Variants in SLC9A6 observed in about 807,000 individuals in gnomAD.
SLC9A6 encodes solute carrier family 9 member A6.
A neutral mutation model predicts 45.3 loss-of-function variants in SLC9A6; 6 were observed. That is an observed-to-expected ratio of 0.13 (90% CI 0.07 to 0.26). The LOEUF is 0.26. Ranked by LOEUF, SLC9A6 falls within the 10% of genes least tolerant of loss-of-function variation. SLC9A6 has a pLI of 1.00. For synonymous variants in SLC9A6, 191 were observed against 187.7 expected (o/e 1.02, Z -0.14); for missense variants, 278 against 503.7 (o/e 0.55, Z 4.29).
chrX:135,992,375 A>G (rs782268455), intron 2 of SLC9A6, among the ~76,000 whole-genome samples: 2 of 111,927 alleles, frequency 1.8e-5, no homozygotes, highest in Non-Finnish European at 3.8e-5. Context: ...AGCCTTTTAG[A>G]CCCTCTTTAG....
chrX:135,979,891 G>A (rs1209215820), intron 1 of SLC9A6, among the ~76,000 whole-genome samples: 2 of 110,039 alleles, frequency 1.8e-5, no homozygotes, highest in East Asian at 2.9e-4. Flanking sequence ...TCAGCCTCCC[G>A]AGTAGCTGGA....
intron 17 of SLC9A6, 145 bp downstream of exon 17, chrX:136,040,326 C>T (rs1556622418): frequency 4.2e-6 from 2 of 479,309 alleles, no homozygotes; most frequent in African/African-American, 4.8e-5. Context: ...GCATATTTTG[C>T]TCAACCAGAA....
intron 16 of SLC9A6, 56 bp downstream of exon 16, chrX:136,033,549 T>A: frequency 2.9e-6 from 2 of 697,166 alleles, no homozygotes; most frequent in South Asian, 4.3e-5. Context: ...ATAATTACAG[T>A]TTAATGGAAC....
At chrX:136,039,947 G>A in intron 16 of SLC9A6, 129 bp from the exon 17 acceptor site, 1 of 536,257 alleles carries the variant, frequency 1.9e-6, no homozygotes, top group Admixed American at 2.7e-5. Flanking sequence ...GAGGAAATGA[G>A]ACCATAGATG....
chrX:136,033,562 G>C, intron 16 of SLC9A6, 69 bp downstream of exon 16: 1 of 613,375 alleles, frequency 1.6e-6, no homozygotes, highest in Non-Finnish European at 2.6e-6. Context: ...AATGGAACAA[G>C]TGTTTTGACT....
chrX:136,036,364 T>C (rs1171676924), intron 16 of SLC9A6, among the ~76,000 whole-genome samples: 10 of 111,828 alleles, frequency 8.9e-5, no homozygotes, highest in African/African-American at 3.2e-4. Flanking sequence ...GAGTTGTTTT[T>C]TTCTCTCATT....
chrX:135,975,889 A>T (rs1046131542), intron 1 of SLC9A6, among the ~76,000 whole-genome samples: 1 of 102,547 alleles, frequency 9.8e-6, no homozygotes, highest in East Asian at 3.4e-4. Flanking sequence ...AAGAAGGAGG[A>T]TTGCTTGATC....
chrX:136,046,600 A>G lies in SLC9A6; in HGVS notation c.*1876A>G, dbSNP rs1556623616. On this transcript the variant is annotated 3_prime_UTR_variant, in exon 18 of 18. Transcript: ENST00000630721. ...ACCTCACTTTATGTAAATACTTCGC[A>G]TGACAAATTCAGTAACTCGTCTATT... 1.8e-5 allele frequency: 2 copies of G among 112,866 alleles called. No homozygotes were observed. The highest frequency in any genetic ancestry group is 3.7e-5 in the Non-Finnish European group (2 of 53,356). 9.3% of individuals were successfully genotyped at this position (112,866 alleles called of 1,213,427 possible). A position where few individuals can be genotyped will look rare whatever the true frequency, so the allele number is the denominator to read the frequency against.
chrX:136,032,164 T>C (rs1458315050), intron 15 of SLC9A6, among the ~76,000 whole-genome samples: 1 of 112,233 alleles, frequency 8.9e-6, no homozygotes, highest in Non-Finnish European at 1.9e-5. Context: ...ACCTCCCAGA[T>C]TCAAGCAATT....
intron 2 of SLC9A6, among the ~76,000 whole-genome samples, chrX:135,987,609 T>C (rs2089359652): frequency 9.0e-6 from 1 of 111,135 alleles, no homozygotes. Context: ...GTTGATCTTG[T>C]GGATACGTAG....
chrX:135,998,517 A>G lies in SLC9A6; in HGVS notation c.483A>G (p.Ala161=), dbSNP rs781961294. 9 of 1,192,238 alleles carry G rather than the reference A, an allele frequency of 7.5e-6. No homozygotes were observed. In the African/African-American group the frequency reaches 1.3e-4, roughly 17 times the overall value. ...TTCGAAATCTTGGGTCTATCCTAGC[A>G]TACGCTTTTCTTGGAACAGCAATTT... is the stretch of plus-strand genomic sequence containing the variant. ...HFFRNLGSIL[A]YAFLGTAISC... Residue 161 remains alanine (A), a synonymous_variant, in exon 5 of 18, where the codon GCA becomes GCG. Transcript: ENST00000630721.
At chrX:136,014,927 G>A (rs1410573459) in intron 10 of SLC9A6, among the ~76,000 whole-genome samples, 1 of 112,873 alleles carries the variant, frequency 8.9e-6, no homozygotes, top group African/African-American at 3.2e-5. Flanking sequence ...GAGAAGTAGG[G>A]GAAATGGTTT....
intron 3 of SLC9A6, 128 bp from the exon 4 acceptor site, chrX:135,997,980 T>C (rs1556616800): frequency 8.6e-6 from 4 of 465,620 alleles, no homozygotes. Context: ...GAAATATTTT[T>C]AAGTTAGCAC....
At chrX:136,033,923 C>T (rs782576221) in intron 16 of SLC9A6, among the ~76,000 whole-genome samples, 46 of 111,917 alleles carry the variant, frequency 4.1e-4, no homozygotes, top group Admixed American at 1.2e-3. Context: ...ATGTTCAATA[C>T]TGCGCTGTTC....
chrX:135,978,288 G>T lies in SLC9A6; in HGVS notation c.-57+3505G>T, dbSNP rs1294763874. On this transcript the variant is annotated intron_variant, in intron 1 of 16. Transcript: ENST00000636092. Reference sequence around the variant, plus strand: ...CCAGATCTACTAATATCTCTCTTAGGGTTTCATTACCACATGTGCACAAAG... The same window carrying T: ...CCAGATCTACTAATATCTCTCTTAGTGTTTCATTACCACATGTGCACAAAG... 2.2e-4 allele frequency among the ~76,000 whole-genome samples: 24 copies of T among 111,583 alleles called. 1 individual carries two copies. Among genetic ancestry groups the T allele is most frequent in the African/African-American group, 7.5e-4 (23 of 30,603 alleles).
chrX:135,977,984 C>A (rs1455832270), intron 1 of SLC9A6, among the ~76,000 whole-genome samples: 1 of 112,320 alleles, frequency 8.9e-6, no homozygotes, highest in Non-Finnish European at 1.9e-5. Context: ...AGTTACTTAA[C>A]TTCACTGCGC....
In SLC9A6 at chrX:136,044,905, T is replaced by G. The variant is rs2071573775; in HGVS notation, c.*181T>G. On this transcript the variant is annotated 3_prime_UTR_variant, in exon 18 of 18. Coordinates refer to ENST00000630721, the MANE Select transcript of SLC9A6 (RefSeq NM_001379110.1). ...CAGATTGTGAACAAACTATATTCCT[T>G]TAAGTTTTCCTGGTTGCACTCTGTA... 4 of 454,741 alleles carry G rather than the reference T, an allele frequency of 8.8e-6. No individual in the cohort carries two copies. The South Asian group carries it at 1.4e-4, about 16-fold the overall frequency. 37.5% of individuals were successfully genotyped at this position (454,741 alleles called of 1,213,427 possible).
chrX:135,998,802 A>AT, intron 5 of SLC9A6, 54 bp from the exon 6 acceptor site: 9 of 906,665 alleles, frequency 9.9e-6, no homozygotes, highest in Non-Finnish European at 1.5e-5. Context: ...CTTTATCCTA[A>AT]TTTTTTTAAC....
chrX:135,982,764 A>T (rs1278770655), upstream of SLC9A6, among the ~76,000 whole-genome samples: 1 of 112,430 alleles, frequency 8.9e-6, no homozygotes, highest in Non-Finnish European at 1.9e-5. Context: ...GTAAGCCACC[A>T]TGCCTGGCCA....
Sources: allele counts gnomAD v4.1 joint callset (sites outside exome capture counted in the v4.1 genomes callset), GRCh38; gene constraint gnomAD v4.1.1; transcripts MANE v1.5; gene names NCBI Gene and HGNC (gene_info 2026-07-23, HGNC 2026-07-21).